Variants in MYO5B observed in about 807,000 individuals in gnomAD.
The protein encoded by MYO5B is unconventional myosin-Vb.
In MYO5B, 143 loss-of-function variants were observed where a neutral mutation model predicts 229.3. That is an observed-to-expected ratio of 0.62 (90% CI 0.54 to 0.72). The LOEUF (loss-of-function observed/expected upper bound fraction) is 0.72, where lower values mean the gene tolerates loss of function less well. Among genes scored for constraint, MYO5B ranks in the 30% least tolerant of loss-of-function variants. The pLI, the probability that MYO5B is intolerant of heterozygous loss-of-function variation, is 0.00. For synonymous variants in MYO5B, 918 were observed against 885.2 expected (o/e 1.04, Z -0.66); for missense variants, 2,321 against 2,331.0 (o/e 1.00, Z 0.09).
intron 10 of MYO5B, among the ~76,000 whole-genome samples, chr18:49,966,089 G>C (rs535126961): frequency 2.6e-5 from 4 of 152,242 alleles, no homozygotes; most frequent in East Asian, 3.9e-4. Flanking sequence ...TGGTGGTGGA[G>C]AGATAGCACC....
intron 1 of MYO5B, among the ~76,000 whole-genome samples, chr18:50,135,900 C>T (rs1029320536): frequency 6.6e-6 from 1 of 152,176 alleles, no homozygotes; most frequent in Admixed American, 6.5e-5. Context: ...TACAGTATGT[C>T]AATTTACAAT....
rs2144327120 is a variant in MYO5B at position 50,001,360 on chromosome 18, C to T, written c.507G>A (p.Lys169=). 2 of 1,614,214 alleles carry T rather than the reference C, an allele frequency of 1.2e-6. No homozygotes were observed. The highest frequency in any genetic ancestry group is 1.7e-6 in the Non-Finnish European group (2 of 1,180,026). The stretch of plus-strand genomic sequence containing the variant: ...GCATGGCATACTTGGCTGATACCGT[C>T]TTCCCGGCTCCAGACTCCCCACTGA... ...IIVSGESGAG[K]TVSAKYAMRY... is the part of the protein sequence containing the mutation. Residue 169 remains lysine (K), a synonymous_variant, in exon 5 of 40, where the codon AAG becomes AAA. Coordinates refer to ENST00000285039, the MANE Select transcript of MYO5B (RefSeq NM_001080467.3).
At chr18:50,178,421 C>T (rs1599081023) in intron 1 of MYO5B, among the ~76,000 whole-genome samples, 1 of 152,296 alleles carries the variant, frequency 6.6e-6, no homozygotes, top group Middle Eastern at 3.4e-3. Flanking sequence ...AAAAAATTCT[C>T]ATTTCTTAGT....
chr18:49,859,083 G>C (rs1203506398), intron 29 of MYO5B, among the ~76,000 whole-genome samples: 1 of 152,176 alleles, frequency 6.6e-6, no homozygotes, highest in Non-Finnish European at 1.5e-5. Flanking sequence ...CCAGCCACAG[G>C]GGGCAGTGAG....
chr18:50,097,424 A>G (rs1408998903), intron 1 of MYO5B: 4 of 362,692 alleles, frequency 1.1e-5, no homozygotes, highest in South Asian at 6.3e-5. Flanking sequence ...TACTAATAAA[A>G]CTTGTTTGGG....
intron 31 of MYO5B, among the ~76,000 whole-genome samples, chr18:49,851,831 G>A (rs975243357): frequency 3.3e-5 from 5 of 152,166 alleles, no homozygotes; most frequent in Admixed American, 3.3e-4. Context: ...GCTGGCACAC[G>A]GTAGGCAGGA....
intron 26 of MYO5B, 94 bp downstream of exon 26, chr18:49,875,593 C>T (rs552043799): frequency 6.5e-7 from 1 of 1,544,870 alleles, no homozygotes; most frequent in East Asian, 2.2e-5. Flanking sequence ...AGCACAATCC[C>T]ATGTGGTCAC....
intron 1 of MYO5B, among the ~76,000 whole-genome samples, chr18:50,075,481 C>G (rs772032224): frequency 5.9e-5 from 9 of 152,296 alleles, no homozygotes; most frequent in Non-Finnish European, 1.0e-4. Flanking sequence ...ATCCTTATAA[C>G]TCTTCTGGTA....
chr18:50,140,106 T>C (rs2032395758), intron 1 of MYO5B, among the ~76,000 whole-genome samples: 1 of 152,216 alleles, frequency 6.6e-6, no homozygotes, highest in South Asian at 2.1e-4. Context: ...TTTGCTTCTT[T>C]TATCTGCTAT....
At chr18:50,057,630 G>A (rs1336092667) in intron 1 of MYO5B, among the ~76,000 whole-genome samples, 1 of 152,100 alleles carries the variant, frequency 6.6e-6, no homozygotes, top group Non-Finnish European at 1.5e-5. Flanking sequence ...GGGAGTTCAT[G>A]TACCTTTCTA....
At position 50,134,068 on chromosome 18, in the gene MYO5B, C is replaced by T. The variant is rs575171032; in HGVS notation, c.27+60699G>A. On this transcript the variant is annotated intron_variant, in intron 1 of 39. Coordinates refer to ENST00000285039, the MANE Select transcript of MYO5B (RefSeq NM_001080467.3). The stretch of plus-strand genomic sequence containing the variant: ...ATCTCTAAAAAGATCCACAAGAAAC[C>T]TGTTACACTGGTTGCTCCCGGAAAA... 2.2e-4 allele frequency among the ~76,000 whole-genome samples: 34 copies of T among 152,144 alleles called. 1 individual carries two copies. In the South Asian group the frequency reaches 7.1e-3, roughly 32 times the overall value.
rs1457518808 is a variant in MYO5B, at chr18:49,937,338, A to G, written c.1812T>C (p.Pro604=). 6.2e-7 allele frequency: 1 copy of G among 1,614,148 alleles called. No individual in the cohort carries two copies. Among genetic ancestry groups the G allele is most frequent in the East Asian group, 2.2e-5 (1 of 44,882 alleles). ...DDKDPVPATT[P]GKGSSSKISV... ...TGATCTTCGAAGATGACCCCTTCCC[A>G]GGGGTGGTGGCAGGAACAGGGTCCT... Residue 604 remains proline, a synonymous_variant, in exon 15 of 40, where the codon CCT becomes CCC. Coordinates refer to ENST00000285039, the MANE Select transcript of MYO5B (RefSeq NM_001080467.3).
rs2024898522 is a variant in MYO5B, at chr18:49,906,302, G to GAA, written c.2414+116_2414+117insTT. 13 of 1,007,732 alleles carry GAA rather than the reference G, an allele frequency of 1.3e-5. No individual in the cohort carries two copies. In the Admixed American group the frequency reaches 2.4e-4, roughly 18 times the overall value. 62.4% of individuals were successfully genotyped at this position (1,007,732 alleles called of 1,614,324 possible). On this transcript the variant is annotated intron_variant, in intron 19 of 39. Transcript: ENST00000285039. ...GAGGAAAAGCCAAGATGCAGACATG[G>GAA]CCCCAACAGGAACCACTCTCAGCAC...
intron 10 of MYO5B, among the ~76,000 whole-genome samples, chr18:49,964,289 A>C (rs1389846872): frequency 6.6e-6 from 1 of 152,208 alleles, no homozygotes; most frequent in African/African-American, 2.4e-5. Flanking sequence ...TGTTTTAATC[A>C]TCTTTATTGA....
chr18:50,192,702 C>T (rs1291894447), intron 1 of MYO5B, among the ~76,000 whole-genome samples: 2 of 152,172 alleles, frequency 1.3e-5, no homozygotes, highest in Non-Finnish European at 2.9e-5. Flanking sequence ...CCTGATTTGG[C>T]TCCTTCTGAC....
At chr18:50,035,029 C>A (rs986769788) in intron 4 of MYO5B, among the ~76,000 whole-genome samples, 1 of 152,192 alleles carries the variant, frequency 6.6e-6, no homozygotes, top group Middle Eastern at 3.2e-3. Context: ...GACTCCCACA[C>A]GTCCTCTTCC....
chr18:49,975,814 G>A (rs1017594888), intron 9 of MYO5B, among the ~76,000 whole-genome samples: 1 of 152,178 alleles, frequency 6.6e-6, no homozygotes, highest in Admixed American at 6.5e-5. Context: ...TTCTACCACG[G>A]TCCTGCCCGA....
intron 1 of MYO5B, among the ~76,000 whole-genome samples, chr18:50,152,864 T>TAAAAAAAAAAAAAAAAAAAAAAAAAA (rs67858852): frequency 8.0e-6 from 1 of 125,442 alleles, no homozygotes; most frequent in Non-Finnish European, 1.7e-5. Flanking sequence ...TTCTCAAAAC[T>TAAAAAAAAAAAAAAAAAAAAAAAAAA]AAAAAAAAAA....
chr18:50,056,518 T>C (rs2030553571), intron 1 of MYO5B, among the ~76,000 whole-genome samples: 1 of 152,164 alleles, frequency 6.6e-6, no homozygotes. Context: ...TACACACACA[T>C]ACATCTGGCT....
Sources: allele counts gnomAD v4.1 joint callset (sites outside exome capture counted in the v4.1 genomes callset), GRCh38; gene constraint gnomAD v4.1.1; transcripts MANE v1.5; gene names NCBI Gene and HGNC (gene_info 2026-07-23, HGNC 2026-07-21).